The following RAB27A variants were observed in gnomAD, a reference collection of about 807,000 sequenced individuals.
RAB27A encodes the protein RAB27A, member RAS oncogene family.
Under a neutral mutation model 20.8 loss-of-function variants are expected in RAB27A, and 17 were observed. That is an observed-to-expected ratio of 0.82 (90% CI 0.56 to 1.23). The LOEUF is 1.23. Among genes scored for constraint, RAB27A ranks in the 50% most tolerant of loss-of-function variants. The pLI is 0.00. For missense variants in RAB27A, 277 were observed against 266.7 expected (o/e 1.04, Z -0.27); for synonymous variants, 85 against 92.8 (o/e 0.92, Z 0.48).
intron 6 of RAB27A, among the ~76,000 whole-genome samples, chr15:55,212,391 C>G (rs2140920542): frequency 6.6e-6 from 1 of 152,262 alleles, no homozygotes; most frequent in East Asian, 1.9e-4. Flanking sequence ...GAAGAAAACG[C>G]TGGCTTTGGG....
At chr15:55,282,162 G>T (rs184042067) in intron 1 of RAB27A, among the ~76,000 whole-genome samples, 1 of 152,310 alleles carries the variant, frequency 6.6e-6, no homozygotes, top group Admixed American at 6.5e-5. Flanking sequence ...TGTTAGCAAA[G>T]TTCCATCTAG....
At chr15:55,251,341 T>C (rs540180159) in intron 2 of RAB27A, among the ~76,000 whole-genome samples, 1 of 152,222 alleles carries the variant, frequency 6.6e-6, no homozygotes, top group African/African-American at 2.4e-5. Flanking sequence ...GCGTCATTCC[T>C]GGGGAAAGGG....
At chr15:55,245,574 A>C (rs1896655412) in intron 2 of RAB27A, among the ~76,000 whole-genome samples, 1 of 152,248 alleles carries the variant, frequency 6.6e-6, no homozygotes, top group Non-Finnish European at 1.5e-5. Context: ...ATAATAACAT[A>C]AGTCCATCCT....
At chr15:55,223,146 G>T (rs559574963) in intron 6 of RAB27A, among the ~76,000 whole-genome samples, 13 of 152,230 alleles carry the variant, frequency 8.5e-5, no homozygotes, top group African/African-American at 3.1e-4. Context: ...CACCTAATCT[G>T]CAATAACCAA....
intron 2 of RAB27A, among the ~76,000 whole-genome samples, chr15:55,306,275 G>C (rs2054996576): frequency 6.6e-6 from 1 of 152,154 alleles, no homozygotes. Flanking sequence ...CCCTTGTTCA[G>C]GTACAGGGAT....
At chr15:55,299,430 C>G (rs936326805) in intron 2 of RAB27A, among the ~76,000 whole-genome samples, 3 of 152,060 alleles carry the variant, frequency 2.0e-5, no homozygotes, top group Non-Finnish European at 4.4e-5. Context: ...CCCGTCTCTA[C>G]TAAAAATACA....
intron 2 of RAB27A, among the ~76,000 whole-genome samples, chr15:55,296,653 T>C (rs996307900): frequency 6.6e-6 from 1 of 152,054 alleles, no homozygotes; most frequent in African/African-American, 2.4e-5. Flanking sequence ...AAGACTTATT[T>C]ATTTTTAATT....
chr15:55,277,913 T>G (rs1463726912), intron 1 of RAB27A, among the ~76,000 whole-genome samples: 2 of 152,212 alleles, frequency 1.3e-5, no homozygotes, highest in Non-Finnish European at 2.9e-5. Flanking sequence ...GGCAAGTTAC[T>G]TCATCTTCTT....
intron 1 of RAB27A, chr15:55,289,167 T>G (rs1898240401): frequency 6.6e-6 from 1 of 152,146 alleles, no homozygotes; most frequent in African/African-American, 2.4e-5. Flanking sequence ...AGAGACAGGC[T>G]TTGGCAATAG....
At chr15:55,266,180 C>G (rs1222042720) in intron 2 of RAB27A, among the ~76,000 whole-genome samples, 1 of 152,144 alleles carries the variant, frequency 6.6e-6, no homozygotes, top group Non-Finnish European at 1.5e-5. Context: ...ATTAGTGCCC[C>G]TATAAGAAGA....
At chr15:55,270,577 C>T (rs183430163) in intron 1 of RAB27A, among the ~76,000 whole-genome samples, 12 of 152,294 alleles carry the variant, frequency 7.9e-5, no homozygotes, top group Admixed American at 3.3e-4. Flanking sequence ...CTTTCTTCCG[C>T]CCACCTACCC....
chr15:55,215,514 T>TGGTAGCGGGCGC (rs1158957280), intron 6 of RAB27A, among the ~76,000 whole-genome samples: 3 of 149,492 alleles, frequency 2.0e-5, no homozygotes, highest in Non-Finnish European at 3.0e-5. Flanking sequence ...TAGCCGGGCG[T>TGGTAGCGGGCGC]GGTAGCGGGC....
In RAB27A at chr15:55,203,567, A is replaced by C. The variant is rs1044628661; in HGVS notation, c.*1940T>G. 6.9e-6 allele frequency: 1 copy of C among 145,898 alleles called. No homozygotes were observed. Among genetic ancestry groups the C allele is most frequent in the Non-Finnish European group, 1.5e-5 (1 of 66,870 alleles). 9.0% of individuals were successfully genotyped at this position (145,898 alleles called of 1,614,324 possible). ...GTAGCTGGGACTACAGGTGCCCACC[A>C]CCACGCCCAGCCCATTTTTTTTTTT... is the stretch of plus-strand genomic sequence containing the variant. On this transcript the variant is annotated 3_prime_UTR_variant, in exon 7 of 7. Transcript: ENST00000336787.
chr15:55,294,425 T>C (rs2141140045), upstream of RAB27A, among the ~76,000 whole-genome samples: 1 of 151,616 alleles, frequency 6.6e-6, no homozygotes, highest in South Asian at 2.1e-4. Flanking sequence ...CTGTCTCTAC[T>C]AAAAATAGAA....
At position 55,234,784 on chromosome 15, in the gene RAB27A, C is replaced by G; in HGVS notation, c.151G>C (p.Val51Leu). 1 of 1,609,584 alleles carries G rather than the reference C, an allele frequency of 6.2e-7. No homozygotes were observed. Among genetic ancestry groups the G allele is most frequent in the Non-Finnish European group, 8.5e-7 (1 of 1,176,218 alleles). ...ACATAGAAGGATATAGAACTTACCA[C>G]TCTTTTTTCCCTGAAATCAATGCCC... ...TVGIDFREKRVVYRASGPDGA... is the reference protein window; with the variant it reads ...TVGIDFREKRLVYRASGPDGA... The change falls in exon 3 of 7, where the codon GTG becomes CTG. Residue 51 changes from valine (V) to leucine (L), a missense_variant and splice_region_variant. Val to Leu is a conservative substitution (Grantham distance 32, BLOSUM62 1). Transcript: ENST00000336787.
At chr15:55,281,470 G>A (rs1224946141) in intron 1 of RAB27A, among the ~76,000 whole-genome samples, 1 of 152,170 alleles carries the variant, frequency 6.6e-6, no homozygotes, top group African/African-American at 2.4e-5. Flanking sequence ...TCAGCACTTT[G>A]GGAGGCCAAG....
intron 2 of RAB27A, among the ~76,000 whole-genome samples, chr15:55,259,420 G>A (rs1897197720): frequency 6.6e-6 from 1 of 151,818 alleles, no homozygotes; most frequent in African/African-American, 2.4e-5. Context: ...CAATAACTGG[G>A]ACTACAAGCA....
intron 2 of RAB27A, among the ~76,000 whole-genome samples, chr15:55,310,630 G>A (rs1339284409): frequency 3.9e-5 from 6 of 152,068 alleles, no homozygotes; most frequent in African/African-American, 1.2e-4. Context: ...CTTGCCTGAG[G>A]GCCATGACTA....
chr15:55,310,284 C>T (rs963471443), intron 2 of RAB27A, among the ~76,000 whole-genome samples: 6 of 152,030 alleles, frequency 3.9e-5, no homozygotes, highest in East Asian at 3.9e-4. Flanking sequence ...GAGAAGGCCA[C>T]GCCAGTGTCC....
Sources: gnomAD v4.1 joint callset for allele counts (sites outside exome capture counted in the v4.1 genomes callset) on GRCh38, gnomAD v4.1.1 for gene constraint, MANE v1.5 for transcripts, NCBI Gene and HGNC (gene_info 2026-07-23, HGNC 2026-07-21) for gene names.